RAB38: variants seen among roughly 807,000 people sequenced by gnomAD.
The protein encoded by RAB38 is ras-related protein Rab-38.
A neutral mutation model predicts 18.4 loss-of-function variants in RAB38; 15 were observed. That is an observed-to-expected ratio of 0.82 (90% CI 0.55 to 1.26). The LOEUF (loss-of-function observed/expected upper bound fraction) is 1.26. Ranked by LOEUF, RAB38 falls within the 50% of genes most tolerant of loss-of-function variation. The pLI, the probability that RAB38 is intolerant of heterozygous loss-of-function variation, is 0.00. For synonymous variants in RAB38, 101 were observed against 104.4 expected, an observed-to-expected ratio of 0.97 and a Z score of 0.20; for missense variants, 294 against 267.4, an observed-to-expected ratio of 1.10 and a Z score of -0.69.
chr11:88,045,739 T>C, the RAB38 span, among the ~76,000 whole-genome samples: 2 of 152,174 alleles, frequency 1.3e-5, no homozygotes, highest in Non-Finnish European at 2.9e-5. Context: ...GGAGGTCAAG[T>C]CCGTCCCCTT....
the RAB38 span, among the ~76,000 whole-genome samples, chr11:88,027,561 G>A: frequency 6.6e-6 from 1 of 152,366 alleles, no homozygotes; most frequent in East Asian, 1.9e-4. Context: ...CGGCGCACCA[G>A]GAGATTATAT....
chr11:88,054,006 G>T, the RAB38 span, among the ~76,000 whole-genome samples: 1 of 152,084 alleles, frequency 6.6e-6, no homozygotes, highest in African/African-American at 2.4e-5. Flanking sequence ...ACTTGTATGT[G>T]AACTTGCCAA....
the RAB38 span, among the ~76,000 whole-genome samples, chr11:87,892,080 G>A: frequency 4.0e-5 from 6 of 151,746 alleles, no homozygotes; most frequent in African/African-American, 1.2e-4. Context: ...ATGTGTGAGT[G>A]AAGGAAAAGC....
the RAB38 span, among the ~76,000 whole-genome samples, chr11:88,091,846 T>C: frequency 2.6e-5 from 4 of 151,902 alleles, no homozygotes; most frequent in Non-Finnish European, 4.4e-5. Context: ...TCACAGGTAG[T>C]GTGCCCAGAG....
At chr11:88,116,546 C>A (rs751318694) in intron 2 of RAB38, among the ~76,000 whole-genome samples, 46 of 152,322 alleles carry the variant, frequency 3.0e-4, no homozygotes, top group Middle Eastern at 6.8e-3. Flanking sequence ...GGCTGGGAGG[C>A]CAGAGCTTAC....
the RAB38 span, among the ~76,000 whole-genome samples, chr11:87,863,223 G>A: frequency 6.6e-6 from 1 of 151,726 alleles, no homozygotes; most frequent in Non-Finnish European, 1.5e-5. Flanking sequence ...TGTGACTTTA[G>A]GTAAATTATT....
chr11:87,881,331 A>T, the RAB38 span, among the ~76,000 whole-genome samples: 2 of 151,906 alleles, frequency 1.3e-5, no homozygotes, highest in Admixed American at 1.3e-4. Flanking sequence ...GAAAGATTCT[A>T]GATTAGGCAC....
At chr11:87,889,346 C>T in the RAB38 span, among the ~76,000 whole-genome samples, 4 of 152,030 alleles carry the variant, frequency 2.6e-5, no homozygotes, top group South Asian at 8.3e-4. Context: ...ATGTGCTGTT[C>T]TTCCCTGTGC....
the RAB38 span, among the ~76,000 whole-genome samples, chr11:88,079,393 T>C: frequency 6.6e-6 from 1 of 151,816 alleles, no homozygotes; most frequent in Non-Finnish European, 1.5e-5. Context: ...TTCTCAATAG[T>C]TCTATATTAT....
downstream of RAB38, among the ~76,000 whole-genome samples, chr11:88,112,327 T>C (rs760798821): frequency 6.6e-6 from 1 of 152,208 alleles, no homozygotes; most frequent in Non-Finnish European, 1.5e-5. Context: ...CAGAACTTGA[T>C]ATGGGCAAGC....
At chr11:88,163,133 T>G (rs1365607) in intron 1 of RAB38, among the ~76,000 whole-genome samples, 37,408 of 151,944 alleles carry the variant, frequency 0.25, 4,654 homozygotes, top group Admixed American at 0.27. Flanking sequence ...GTGCAGCCTG[T>G]GTCCTCAATT....
At chr11:88,020,141 G>T in the RAB38 span, among the ~76,000 whole-genome samples, 1 of 152,030 alleles carries the variant, frequency 6.6e-6, no homozygotes, top group Non-Finnish European at 1.5e-5. Context: ...TTGTATCAGG[G>T]TATATAAAAT....
the RAB38 span, among the ~76,000 whole-genome samples, chr11:87,808,687 T>A: frequency 6.6e-6 from 1 of 152,212 alleles, no homozygotes; most frequent in East Asian, 1.9e-4. Context: ...AAATAAAGCA[T>A]ATGTTAATTA....
At chr11:87,929,092 GCAA>G in the RAB38 span, among the ~76,000 whole-genome samples, 119 of 152,104 alleles carry the variant, frequency 7.8e-4, 2 homozygotes, top group South Asian at 0.024. Flanking sequence ...TCCAGCCTGG[GCAA>G]CAAAGCGAGA....
At chr11:88,155,623 A>G (rs190561269) in intron 1 of RAB38, among the ~76,000 whole-genome samples, 3 of 152,352 alleles carry the variant, frequency 2.0e-5, no homozygotes, top group Admixed American at 6.5e-5. Context: ...TCCTGATACT[A>G]TGAAAAATAT....
At chr11:87,866,416 C>G in the RAB38 span, among the ~76,000 whole-genome samples, 1 of 151,772 alleles carries the variant, frequency 6.6e-6, no homozygotes, top group East Asian at 2.0e-4. Context: ...ATTCTTCATT[C>G]ACTTCTCTTT....
At chr11:87,960,835 C>A in the RAB38 span, among the ~76,000 whole-genome samples, 17 of 152,144 alleles carry the variant, frequency 1.1e-4, no homozygotes, top group Non-Finnish European at 2.5e-4. Context: ...CCCAGACATC[C>A]CTAAGCCTGT....
the RAB38 span, among the ~76,000 whole-genome samples, chr11:87,886,644 G>A: frequency 1.4e-4 from 21 of 151,862 alleles, no homozygotes; most frequent in African/African-American, 5.1e-4. Flanking sequence ...CTCCATCTTA[G>A]TACAAACACT....
At chr11:88,026,488 G>A in the RAB38 span, among the ~76,000 whole-genome samples, 6 of 148,964 alleles carry the variant, frequency 4.0e-5, no homozygotes, top group South Asian at 2.2e-4. Flanking sequence ...GTGTGAACCC[G>A]GGAGGCGGAG....
Sources: allele counts gnomAD v4.1 joint callset (sites outside exome capture counted in the v4.1 genomes callset), GRCh38; gene constraint gnomAD v4.1.1; transcripts MANE v1.5; gene names NCBI Gene and HGNC (gene_info 2026-07-23, HGNC 2026-07-21).